Variants in MYL3 observed in about 807,000 individuals in gnomAD.
MYL3 encodes myosin light chain 3, also known as CMLC1.
MYL3 carries 11 observed loss-of-function variants against 21.3 expected under a neutral mutation model. That is an observed-to-expected ratio of 0.52 (90% CI 0.32 to 0.85). The LOEUF is 0.85. MYL3 is among the 40% of genes least tolerant of loss of function. MYL3 has a pLI of 0.03. For synonymous variants in MYL3, 88 were observed against 91.6 expected, an observed-to-expected ratio of 0.96 and a Z score of 0.22; for missense variants, 206 against 253.3, an observed-to-expected ratio of 0.81 and a Z score of 1.27.
In MYL3 at chr3:46,872,307, C is replaced by T. The variant is rs370482217; in HGVS notation, c.-217-5707G>A. 7.9e-5 allele frequency among the ~76,000 whole-genome samples: 12 copies of T among 152,312 alleles called. No homozygotes were observed. In the East Asian group the frequency reaches 1.3e-3, roughly 17 times the overall value. On this transcript the variant is annotated intron_variant, in intron 1 of 3. Coordinates refer to the MYL3 transcript ENST00000431168. Reference sequence around the variant, plus strand: ...GCTGGGAGGGGCTGGGGAGTTCCTGCGCCCCGAGGGAGCCCTGCCTAACAG... The same window carrying T: ...GCTGGGAGGGGCTGGGGAGTTCCTGTGCCCCGAGGGAGCCCTGCCTAACAG...
In MYL3 at chr3:46,873,695, A is replaced by G. The variant is rs374700377; in HGVS notation, c.-217-7095T>C. On this transcript the variant is annotated intron_variant, in intron 1 of 3. Transcript: ENST00000431168. ...GGATGTACTGGATGGCCCTGAGTTC[A>G]GTGCTCCAGTCCCTTGCCTCCACAG... Among the ~76,000 whole-genome samples the G allele has an allele frequency of 6.6e-5, 10 of 152,290 alleles. No individual in the cohort carries two copies. In the East Asian group the frequency reaches 1.2e-3, roughly 18 times the overall value.
rs1197899907 is a variant in MYL3, at chr3:46,879,420, C to G, written c.-218+2654G>C. Among the ~76,000 whole-genome samples the G allele has an allele frequency of 6.6e-6, 1 of 152,152 alleles. No homozygotes were observed. Among genetic ancestry groups the G allele is most frequent in the Non-Finnish European group, 1.5e-5 (1 of 68,032 alleles). On this transcript the variant is annotated intron_variant, in intron 1 of 3. Coordinates refer to the MYL3 transcript ENST00000431168. This position sits in a 1 kb window ranked among gnomAD's most constrained non-coding sequence, Gnocchi z 4.7. ...AAGCAGGGTGGAAGATCAGTGGTCA[C>G]AGAACCATAAAACTTAGAGACACTT...
intron 1 of MYL3, among the ~76,000 whole-genome samples, chr3:46,868,866 A>G (rs1468229506): frequency 6.6e-6 from 1 of 152,210 alleles, no homozygotes; most frequent in East Asian, 1.9e-4. Flanking sequence ...AAGAGTGAGC[A>G]TCAGTTGGGT....
Position 46,858,082 on chromosome 3 carries a change from C to A in MYL3, c.*33G>T, listed in dbSNP as rs1701948715. 5.4e-6 allele frequency: 5 copies of A among 926,436 alleles called. No individual in the cohort carries two copies. The highest frequency in any genetic ancestry group is 6.9e-6 in the Non-Finnish European group (4 of 581,386). 57.4% of individuals were successfully genotyped at this position (926,436 alleles called of 1,614,324 possible). The stretch of plus-strand genomic sequence containing the variant: ...ACACATGGGAGATGAGACGTCCCTG[C>A]ACAGCCTTCCCTGGGCTTCCTGAGA... On this transcript the variant is annotated 3_prime_UTR_variant, in exon 7 of 7. Coordinates refer to ENST00000292327, the MANE Select transcript of MYL3 (RefSeq NM_000258.3).
intron 1 of MYL3, among the ~76,000 whole-genome samples, chr3:46,872,452 TC>T (rs1354690210): frequency 2.9e-5 from 1 of 34,088 alleles, no homozygotes; most frequent in Non-Finnish European, 6.5e-5. Context: ...ACCCCCCCCC[TC>T]AGCCCACCCC....
intron 4 of MYL3, 33 bp from the exon 5 acceptor site, chr3:46,858,494 G>T (rs1701957202): frequency 6.2e-7 from 1 of 1,600,798 alleles, no homozygotes; most frequent in Non-Finnish European, 8.5e-7. Flanking sequence ...TCAGCACCGT[G>T]CGTGCAGAGG....
chr3:46,867,396 G>C (rs1419800078), upstream of MYL3, among the ~76,000 whole-genome samples: 1 of 152,222 alleles, frequency 6.6e-6, no homozygotes, highest in Non-Finnish European at 1.5e-5. Context: ...GGCACCGGGG[G>C]GTCACACTCT....
intron 1 of MYL3, among the ~76,000 whole-genome samples, chr3:46,873,853 G>A (rs1377161120): frequency 1.3e-5 from 2 of 152,338 alleles, no homozygotes; most frequent in East Asian, 3.9e-4. Flanking sequence ...GGGCAGGCAG[G>A]AGCTGGGTGT....
At position 46,874,936 on chromosome 3, in the gene MYL3, C is replaced by T. The variant is rs532675284; in HGVS notation, c.-218+7138G>A. Among the ~76,000 whole-genome samples the T allele has an allele frequency of 6.6e-6, 1 of 152,214 alleles. No homozygotes were observed. The highest frequency in any genetic ancestry group is 1.5e-5 in the Non-Finnish European group (1 of 68,050). ...TGGTGGGGAGGCCTTTCTCCTACCC[C>T]ACTCCCCGCCACCATGCCACCAGGG... is the stretch of plus-strand genomic sequence containing the variant. On this transcript the variant is annotated intron_variant, in intron 1 of 3. Coordinates refer to the MYL3 transcript ENST00000431168. This position sits in a 1 kb window ranked among gnomAD's most constrained non-coding sequence, Gnocchi z 4.1.
At position 46,862,035 on chromosome 3, in the gene MYL3, C is replaced by T. The variant is rs3792560; in HGVS notation, c.130-1048G>A. 5.3e-5 allele frequency among the ~76,000 whole-genome samples: 8 copies of T among 152,314 alleles called. No individual in the cohort carries two copies. In the East Asian group the frequency reaches 1.4e-3, roughly 26 times the overall value. The stretch of plus-strand genomic sequence containing the variant: ...CCAGGAAGCCTACTGAGATTAGGGT[C>T]TCTGGGCTCCTGGCAAAGGCTCCCT... On this transcript the variant is annotated intron_variant, in intron 1 of 6. Transcript: ENST00000292327.
chr3:46,862,509 C>T (rs1702002886), intron 1 of MYL3, among the ~76,000 whole-genome samples: 2 of 152,132 alleles, frequency 1.3e-5, no homozygotes, highest in Admixed American at 1.3e-4. Flanking sequence ...CCACAGGGCT[C>T]CTGAGGAGGC....
upstream of MYL3, among the ~76,000 whole-genome samples, chr3:46,865,799 G>A (rs1702043094): frequency 6.6e-6 from 1 of 152,142 alleles, no homozygotes; most frequent in African/African-American, 2.4e-5. The surrounding 1 kb of genome is among the most constrained non-coding windows in gnomAD (Gnocchi z 4.3). Flanking sequence ...GGCCCCTCCT[G>A]TCACACACAG....
At position 46,874,923 on chromosome 3, in the gene MYL3, C is replaced by A. The variant is rs2030132992; in HGVS notation, c.-218+7151G>T. Among the ~76,000 whole-genome samples, 1 of 152,190 alleles carries A rather than the reference C, an allele frequency of 6.6e-6. No individual in the cohort carries two copies. The highest frequency in any genetic ancestry group is 1.5e-5 in the Non-Finnish European group (1 of 68,020). On this transcript the variant is annotated intron_variant, in intron 1 of 3. Coordinates refer to the MYL3 transcript ENST00000431168. The surrounding 1 kb of genome is among the most constrained non-coding windows in gnomAD (Gnocchi z 4.1). ...ATGAAAGGGGATCTGGTGGGGAGGC[C>A]TTTCTCCTACCCCACTCCCCGCCAC...
At chr3:46,862,616 C>T (rs2106913377) in intron 1 of MYL3, among the ~76,000 whole-genome samples, 1 of 152,276 alleles carries the variant, frequency 6.6e-6, no homozygotes, top group Admixed American at 6.5e-5. Context: ...TCATGGCTCC[C>T]TCCAAGTTTA....
chr3:46,858,716 C>A (rs1701959477), intron 4 of MYL3, among the ~76,000 whole-genome samples: 1 of 152,148 alleles, frequency 6.6e-6, no homozygotes, highest in Non-Finnish European at 1.5e-5. Context: ...CAGGACGAAG[C>A]CAGGGCTCCC....
At chr3:46,866,705 T>C (rs567893292), upstream of MYL3, 67 of 152,314 alleles carry the variant, frequency 4.4e-4, no homozygotes, top group African/African-American at 1.6e-3. Context: ...CTAAACCCTG[T>C]CCTGGAGTGG....
At chr3:46,863,926 C>T (rs1034119930), upstream of MYL3, among the ~76,000 whole-genome samples, 29 of 151,786 alleles carry the variant, frequency 1.9e-4, no homozygotes, top group African/African-American at 6.5e-4. Flanking sequence ...TGGGGGAAGG[C>T]GGAAGTCAGC....
At chr3:46,878,239 G>A (rs77161815) in intron 1 of MYL3, among the ~76,000 whole-genome samples, 6 of 152,350 alleles carry the variant, frequency 3.9e-5, no homozygotes, top group South Asian at 2.1e-4. Context: ...TGGGTGTCAG[G>A]GGGTGTTTAT....
chr3:46,876,173 G>A (rs531048453), intron 1 of MYL3, among the ~76,000 whole-genome samples: 9 of 152,356 alleles, frequency 5.9e-5, no homozygotes, highest in Admixed American at 5.9e-4. Context: ...GGAAACTGAG[G>A]CCATGAGCAG....
Sources: allele counts gnomAD v4.1 joint callset (sites outside exome capture counted in the v4.1 genomes callset), GRCh38; gene constraint gnomAD v4.1.1; non-coding constraint Gnocchi (gnomAD v3.1); transcripts MANE v1.5; gene names NCBI Gene and HGNC (gene_info 2026-07-23, HGNC 2026-07-21).